Variants in TBC1D9 observed in about 807,000 individuals in gnomAD.
TBC1D9 encodes TBC1 domain family member 9, also known as TBC1 domain family member 9A.
Under a neutral mutation model 132.0 loss-of-function variants are expected in TBC1D9, and 63 were observed. The ratio of observed to expected loss-of-function variants is 0.48; its 90% CI spans 0.39 to 0.59. The LOEUF (loss-of-function observed/expected upper bound fraction) is 0.59, where lower values mean the gene tolerates loss of function less well. Ranked by LOEUF, TBC1D9 falls within the 20% of genes least tolerant of loss-of-function variation. The pLI is 0.00. For missense variants in TBC1D9, 1,261 were observed against 1,592.7 expected (o/e 0.79, Z 3.54); for synonymous variants, 610 against 609.9 (o/e 1.00, Z 0.00).
At chr4:140,624,015 AT>A (rs1736666726) in intron 20 of TBC1D9, 100 bp downstream of exon 20, 6 of 928,148 alleles carry the variant, frequency 6.5e-6, no homozygotes, top group South Asian at 5.4e-5. Context: ...CCCAGTTATT[AT>A]TTTTGATGGG....
intron 2 of TBC1D9, among the ~76,000 whole-genome samples, chr4:140,687,212 G>A (rs560751573): frequency 6.7e-6 from 1 of 150,260 alleles, no homozygotes; most frequent in African/African-American, 2.4e-5. Flanking sequence ...TCAGGGTGGG[G>A]GTATAAAGAT....
chr4:140,625,052 CAA>C lies in TBC1D9; in HGVS notation c.2900-666_2900-665del, dbSNP rs11332597. Among the ~76,000 whole-genome samples the C allele has an allele frequency of 2.4e-3, 344 of 145,694 alleles. 1 individual carries two copies. Among genetic ancestry groups the C allele is most frequent in the African/African-American group, 7.7e-3 (300 of 38,930 alleles). On this transcript the variant is annotated intron_variant, in intron 18 of 20. Transcript: ENST00000442267. ...GGGCAACTAGAGCAAAACTCCATCTCAAAAAAAAAAAAATTAATGGGATAATG... is the reference window on the plus strand; with the variant it reads ...GGGCAACTAGAGCAAAACTCCATCTCAAAAAAAAAAATTAATGGGATAATG...
chr4:140,639,259 G>T, intron 14 of TBC1D9, 71 bp downstream of exon 14: 1 of 1,472,828 alleles, frequency 6.8e-7, no homozygotes, highest in Non-Finnish European at 9.4e-7. Context: ...TGTCAGGCAG[G>T]AATCCACAGC....
chr4:140,724,879 G>C (rs1738474647), intron 1 of TBC1D9, among the ~76,000 whole-genome samples: 1 of 152,148 alleles, frequency 6.6e-6, no homozygotes, highest in South Asian at 2.1e-4. Flanking sequence ...TCACTTGTCA[G>C]AATGGCAAAA....
chr4:140,633,020 C>T (rs550481482), intron 16 of TBC1D9, among the ~76,000 whole-genome samples: 7 of 152,186 alleles, frequency 4.6e-5, no homozygotes, highest in East Asian at 1.9e-4. Context: ...TTAACCTCAA[C>T]GGACCTTACC....
chr4:140,704,877 T>C (rs1738127473), intron 1 of TBC1D9, among the ~76,000 whole-genome samples: 1 of 152,216 alleles, frequency 6.6e-6, no homozygotes, highest in African/African-American at 2.4e-5. Context: ...TCACCAACCC[T>C]ACCTCTGCAT....
Position 140,634,592 on chromosome 4 carries a change from C to T in TBC1D9, c.2506-404G>A, listed in dbSNP as rs145275647. ...AAGATAGGAATTTAGGTAATGTGACCGCCTTGTTTTCTAGGTGACAATGGT... is the reference window on the plus strand; with the variant it reads ...AAGATAGGAATTTAGGTAATGTGACTGCCTTGTTTTCTAGGTGACAATGGT... On this transcript the variant is annotated intron_variant, in intron 15 of 20. Transcript: ENST00000442267. 3.7e-3 allele frequency among the ~76,000 whole-genome samples: 570 copies of T among 152,132 alleles called. 2 individuals are homozygous for T. Among genetic ancestry groups the T allele is most frequent in the African/African-American group, 0.012 (505 of 41,504 alleles).
intron 13 of TBC1D9, among the ~76,000 whole-genome samples, chr4:140,656,209 C>T (rs192752666): frequency 2.4e-3 from 362 of 152,268 alleles, no homozygotes; most frequent in Admixed American, 4.5e-3. Context: ...CCTATAGTCT[C>T]AATGTTTTTA....
At chr4:140,735,348 T>A (rs1206977560) in intron 1 of TBC1D9, among the ~76,000 whole-genome samples, 1 of 152,222 alleles carries the variant, frequency 6.6e-6, no homozygotes, top group African/African-American at 2.4e-5. Flanking sequence ...TAAAATCCTG[T>A]GTTCATCTAA....
chr4:140,739,193 G>A (rs942571430), intron 1 of TBC1D9, among the ~76,000 whole-genome samples: 4 of 151,978 alleles, frequency 2.6e-5, no homozygotes, highest in Non-Finnish European at 1.5e-5. Flanking sequence ...GTATCTCCAA[G>A]TTGGTCAGGC....
At chr4:140,699,792 G>A (rs192757555) in intron 2 of TBC1D9, among the ~76,000 whole-genome samples, 3 of 152,098 alleles carry the variant, frequency 2.0e-5, no homozygotes, top group East Asian at 2.0e-4. Flanking sequence ...TATCAACACT[G>A]GTTCATTAAT....
At chr4:140,714,472 C>G (rs1215639119) in intron 1 of TBC1D9, among the ~76,000 whole-genome samples, 1 of 152,094 alleles carries the variant, frequency 6.6e-6, no homozygotes, top group African/African-American at 2.4e-5. Flanking sequence ...CTAAAGACTT[C>G]TAATCGTTAG....
At chr4:140,643,973 C>T in intron 13 of TBC1D9, 2 of 583,330 alleles carry the variant, frequency 3.4e-6, no homozygotes, top group South Asian at 1.7e-5. Context: ...GTTCAGCCAG[C>T]GGCTCTTCCT....
intron 13 of TBC1D9, among the ~76,000 whole-genome samples, chr4:140,640,023 C>T (rs192353144): frequency 1.0e-3 from 153 of 152,226 alleles, no homozygotes; most frequent in African/African-American, 3.6e-3. Flanking sequence ...CTTAGGGATG[C>T]AAAAGAAAGA....
chr4:140,656,426 A>C (rs1180853925), intron 13 of TBC1D9, among the ~76,000 whole-genome samples: 1 of 152,176 alleles, frequency 6.6e-6, no homozygotes. Context: ...TCCAGAACAC[A>C]TAGGTCTCCT....
Position 140,747,614 on chromosome 4 carries a change from G to T in TBC1D9, c.130+8302C>A, listed in dbSNP as rs999661764. 5.3e-5 allele frequency among the ~76,000 whole-genome samples: 8 copies of T among 152,226 alleles called. No homozygotes were observed. In the South Asian group the frequency reaches 1.7e-3, roughly 32 times the overall value. ...GTTACCATACCTGAAAAAAAGACAG[G>T]CTCCAAGGGGGAGAGCTCTATATTT... On this transcript the variant is annotated intron_variant, in intron 1 of 20. Coordinates refer to ENST00000442267, the MANE Select transcript of TBC1D9 (RefSeq NM_015130.3).
chr4:140,747,614 G>C (rs999661764), intron 1 of TBC1D9, among the ~76,000 whole-genome samples: 1 of 152,108 alleles, frequency 6.6e-6, no homozygotes, highest in African/African-American at 2.4e-5. Flanking sequence ...AAAAAGACAG[G>C]CTCCAAGGGG....
At chr4:140,690,913 T>C (rs1050259738) in intron 2 of TBC1D9, among the ~76,000 whole-genome samples, 2 of 152,152 alleles carry the variant, frequency 1.3e-5, no homozygotes, top group Admixed American at 6.5e-5. Flanking sequence ...ACACTATCAG[T>C]AAACAGCAGC....
chr4:140,682,468 G>A (rs1402321610), intron 3 of TBC1D9, among the ~76,000 whole-genome samples: 1 of 152,180 alleles, frequency 6.6e-6, no homozygotes, highest in South Asian at 2.1e-4. Flanking sequence ...CCGTGGGTGG[G>A]AAGGAGAAGT....
Sources: gnomAD v4.1 joint callset for allele counts (sites outside exome capture counted in the v4.1 genomes callset) on GRCh38, gnomAD v4.1.1 for gene constraint, MANE v1.5 for transcripts, NCBI Gene and HGNC (gene_info 2026-07-23, HGNC 2026-07-21) for gene names.